RORA: variants seen among roughly 807,000 people sequenced by gnomAD.
RORA encodes RAR related orphan receptor A, also known as nuclear receptor ROR-alpha.
A neutral mutation model predicts 69.5 loss-of-function variants in RORA; 7 were observed. That is an observed-to-expected ratio of 0.10 (90% CI 0.06 to 0.19). The LOEUF is 0.19. RORA is among the 10% of genes least tolerant of loss of function. The pLI is 1.00. For missense variants in RORA, 457 were observed against 663.0 expected (o/e 0.69, Z 3.41); for synonymous variants, 261 against 240.8 (o/e 1.08, Z -0.78).
chr15:61,131,360 T>C lies in RORA; in HGVS notation c.166+97693A>G, dbSNP rs1042341420. 5.3e-5 allele frequency among the ~76,000 whole-genome samples: 8 copies of C among 152,254 alleles called. No homozygotes were observed. Among genetic ancestry groups the C allele is most frequent in the African/African-American group, 1.9e-4 (8 of 41,470 alleles). The stretch of plus-strand genomic sequence containing the variant: ...TTGTCTGTAGAAAATAAATCTAGAC[T>C]CTTTCATCAGAGACTTCTAGCAGAT... On this transcript the variant is annotated intron_variant, in intron 1 of 10. Transcript: ENST00000335670. The surrounding 1 kb of genome is among the most constrained non-coding windows in gnomAD (Gnocchi z 4.2).
At chr15:61,038,848 C>T (rs1032876358) in intron 1 of RORA, 9 of 152,186 alleles carry the variant, frequency 5.9e-5, no homozygotes, top group African/African-American at 1.9e-4. Flanking sequence ...AAGTATCTGC[C>T]CAAAGCTGCA....
At chr15:61,101,727 A>G (rs912284287) in intron 1 of RORA, among the ~76,000 whole-genome samples, 1 of 152,046 alleles carries the variant, frequency 6.6e-6, no homozygotes, top group African/African-American at 2.4e-5. Context: ...CATTTCCGAA[A>G]GGACATTCTC....
In RORA at chr15:60,514,416, G is replaced by C. The variant is rs533370441; in HGVS notation, c.424+200C>G. On this transcript the variant is annotated intron_variant, in intron 4 of 10. Transcript: ENST00000335670. ...ACCACCCCCACCCATCAGCCAGCCAGCTGACTCTGAGGATGAGGAGGAGGA... is the reference window on the plus strand; with the variant it reads ...ACCACCCCCACCCATCAGCCAGCCACCTGACTCTGAGGATGAGGAGGAGGA... Among the ~76,000 whole-genome samples, 6 of 152,258 alleles carry C rather than the reference G, an allele frequency of 3.9e-5. No individual in the cohort carries two copies. The South Asian group carries it at 1.0e-3, about 26-fold the overall frequency.
chr15:61,030,619 G>C (rs967727550), intron 1 of RORA, among the ~76,000 whole-genome samples: 3 of 152,134 alleles, frequency 2.0e-5, no homozygotes, highest in African/African-American at 7.2e-5. Flanking sequence ...GAGAAAATGA[G>C]TCAATCAGAG....
At chr15:60,528,646 A>G (rs1163275562) in intron 3 of RORA, 1 of 152,232 alleles carries the variant, frequency 6.6e-6, no homozygotes, top group Admixed American at 6.5e-5. Flanking sequence ...CCCAGAAATA[A>G]TATCTGACTA....
chr15:60,660,517 G>A (rs2070288133), intron 2 of RORA, among the ~76,000 whole-genome samples: 1 of 152,164 alleles, frequency 6.6e-6, no homozygotes, highest in African/African-American at 2.4e-5. Flanking sequence ...TTCAGTTGTA[G>A]TTTCACCTGC....
intron 1 of RORA, among the ~76,000 whole-genome samples, chr15:61,173,201 T>C (rs2140895485): frequency 6.6e-6 from 1 of 152,308 alleles, no homozygotes; most frequent in Admixed American, 6.5e-5. Flanking sequence ...CCACTTTATA[T>C]ACAGGAAAAC....
chr15:61,059,621 G>C (rs1405554045), intron 1 of RORA, among the ~76,000 whole-genome samples: 4 of 152,016 alleles, frequency 2.6e-5, no homozygotes, highest in African/African-American at 9.7e-5. Flanking sequence ...TTTCCTCCCA[G>C]TAGGAAATTA....
chr15:61,180,237 G>T (rs2079670965), intron 1 of RORA, among the ~76,000 whole-genome samples: 1 of 151,948 alleles, frequency 6.6e-6, no homozygotes, highest in Non-Finnish European at 1.5e-5. Flanking sequence ...ACAAGTAAAG[G>T]GAGGATCCAG....
intron 2 of RORA, among the ~76,000 whole-genome samples, chr15:60,583,614 G>A (rs993820228): frequency 6.6e-6 from 1 of 152,174 alleles, no homozygotes. Context: ...CACCAAAACA[G>A]CCTCAGGGTT....
At chr15:60,502,108 G>C (rs559484550) in intron 8 of RORA, among the ~76,000 whole-genome samples, 1 of 152,178 alleles carries the variant, frequency 6.6e-6, no homozygotes, top group Non-Finnish European at 1.5e-5. Flanking sequence ...AGCCTCCTGA[G>C]TAGCTGGGAC....
intron 1 of RORA, among the ~76,000 whole-genome samples, chr15:60,695,812 CAAGT>C (rs1334348921): frequency 1.2e-4 from 19 of 152,036 alleles, no homozygotes; most frequent in Non-Finnish European, 2.4e-4. Context: ...ACGGAGGAAG[CAAGT>C]AAACTTTCAG....
rs564629000 is a variant in RORA at position 61,141,227 on chromosome 15, G to GA, written c.166+87825dup. Among the ~76,000 whole-genome samples the GA allele has an allele frequency of 2.4e-4, 36 of 152,314 alleles. No homozygotes were observed. The South Asian group carries it at 7.2e-3, about 31-fold the overall frequency. On this transcript the variant is annotated intron_variant, in intron 1 of 10. Transcript: ENST00000335670. ...TCTGGGGTTAATGCAATATCCCATA[G>GA]ATTTATCTTATACATTAGGTTCTTC...
chr15:61,108,134 T>A (rs865889326), intron 1 of RORA, among the ~76,000 whole-genome samples: 1 of 152,188 alleles, frequency 6.6e-6, no homozygotes, highest in Non-Finnish European at 1.5e-5. Context: ...TCTGGTTCTA[T>A]TCCAGAGAAG....
chr15:60,748,324 AAC>A (rs72521472), intron 1 of RORA, among the ~76,000 whole-genome samples: 31,696 of 85,362 alleles, frequency 0.37, 4,178 homozygotes, highest in African/African-American at 0.44. Flanking sequence ...AAAAAAAAAA[AAC>A]ACACACACAT....
intron 1 of RORA, among the ~76,000 whole-genome samples, chr15:60,833,713 T>C (rs1163155703): frequency 1.3e-5 from 2 of 152,224 alleles, no homozygotes; most frequent in African/African-American, 4.8e-5. Context: ...ATTACTAATA[T>C]CTTTGTACTG....
rs1339393611 is a variant in RORA at position 60,639,059 on chromosome 15, A to G, written c.196+39598T>C. ...CAGCGAAACCGTGCCTCCTTCTCTA[A>G]TTAGTCACTTTAAGTATCAGTGATG... On this transcript the variant is annotated intron_variant, in intron 2 of 10. Coordinates refer to ENST00000335670, the MANE Select transcript of RORA (RefSeq NM_134261.3). Among the ~76,000 whole-genome samples the G allele has an allele frequency of 5.9e-5, 9 of 152,132 alleles. No individual in the cohort carries two copies. The South Asian group carries it at 1.7e-3, about 28-fold the overall frequency.
chr15:60,688,241 T>C (rs1423748707), intron 1 of RORA, among the ~76,000 whole-genome samples: 1 of 151,830 alleles, frequency 6.6e-6, no homozygotes, highest in Non-Finnish European at 1.5e-5. Flanking sequence ...AAGCATAGTA[T>C]ATCATTTTGT....
chr15:61,147,573 A>C lies in RORA; in HGVS notation c.166+81480T>G, dbSNP rs922478392. On this transcript the variant is annotated intron_variant, in intron 1 of 10. Coordinates refer to ENST00000335670, the MANE Select transcript of RORA (RefSeq NM_134261.3). This position sits in a 1 kb window ranked among gnomAD's most constrained non-coding sequence, Gnocchi z 4.1. ...CAGGAAAAAAAGATGAAATTATTTGAGGAGAAAGTTAGCTGTCCATCAGTA... is the reference window on the plus strand; with the variant it reads ...CAGGAAAAAAAGATGAAATTATTTGCGGAGAAAGTTAGCTGTCCATCAGTA... 2.0e-5 allele frequency among the ~76,000 whole-genome samples: 3 copies of C among 152,254 alleles called. No individual in the cohort carries two copies. Among genetic ancestry groups the C allele is most frequent in the African/African-American group, 7.2e-5 (3 of 41,462 alleles).
Sources: allele counts gnomAD v4.1 joint callset (sites outside exome capture counted in the v4.1 genomes callset), GRCh38; gene constraint gnomAD v4.1.1; non-coding constraint Gnocchi (gnomAD v3.1); transcripts MANE v1.5; gene names NCBI Gene and HGNC (gene_info 2026-07-23, HGNC 2026-07-21).